The following KALRN variants were observed in gnomAD, a reference collection of about 807,000 sequenced individuals.
KALRN encodes kalirin RhoGEF kinase.
In KALRN, 70 loss-of-function variants were observed where a neutral mutation model predicts 353.7. That is an observed-to-expected ratio of 0.20 (90% confidence interval 0.16 to 0.24). KALRN has a LOEUF of 0.24. KALRN is among the 10% of genes least tolerant of loss of function. The pLI, the probability that KALRN is intolerant of heterozygous loss-of-function variation, is 1.00. For missense variants in KALRN, 2,791 were observed against 3,756.7 expected, an observed-to-expected ratio of 0.74 and a Z score of 6.72; for synonymous variants, 1,391 against 1,434.8, an observed-to-expected ratio of 0.97 and a Z score of 0.69.
At chr3:124,185,156 C>T (rs2074063592) in intron 1 of KALRN, among the ~76,000 whole-genome samples, 1 of 152,196 alleles carries the variant, frequency 6.6e-6, no homozygotes, top group African/African-American at 2.4e-5. Flanking sequence ...GCTGGGACTA[C>T]ATGTTCATGC....
At chr3:124,607,475 C>A (rs2077468288) in intron 34 of KALRN, among the ~76,000 whole-genome samples, 1 of 152,006 alleles carries the variant, frequency 6.6e-6, no homozygotes, top group Non-Finnish European at 1.5e-5. Context: ...AACTTTTTAC[C>A]CTATAATCTT....
chr3:124,452,381 A>G (rs1402269736), intron 21 of KALRN, among the ~76,000 whole-genome samples: 2 of 152,226 alleles, frequency 1.3e-5, no homozygotes, highest in Non-Finnish European at 2.9e-5. Flanking sequence ...GAGATATACA[A>G]ATGAATAAGA....
At chr3:124,250,482 C>T (rs1319865667) in intron 3 of KALRN, among the ~76,000 whole-genome samples, 3 of 152,202 alleles carry the variant, frequency 2.0e-5, no homozygotes, top group Non-Finnish European at 1.5e-5. Flanking sequence ...TGCCATTTCT[C>T]TTGAGTCCCC....
intron 34 of KALRN, among the ~76,000 whole-genome samples, chr3:124,589,747 A>T (rs2075584669): frequency 6.6e-6 from 1 of 152,212 alleles, no homozygotes. Context: ...CTCAGTAGCC[A>T]CAGGGGATTG....
At chr3:124,119,041 C>T (rs1389968317) in intron 1 of KALRN, among the ~76,000 whole-genome samples, 1 of 152,216 alleles carries the variant, frequency 6.6e-6, no homozygotes, top group African/African-American at 2.4e-5. Flanking sequence ...TCTCAACCCC[C>T]ACCTTGTTTT....
At chr3:124,615,103 T>A (rs961015177) in intron 34 of KALRN, among the ~76,000 whole-genome samples, 3 of 152,224 alleles carry the variant, frequency 2.0e-5, no homozygotes, top group African/African-American at 2.4e-5. Flanking sequence ...CAGTTTTACC[T>A]GGTGGATTAG....
intron 7 of KALRN, 117 bp from the exon 8 acceptor site, chr3:124,329,744 T>C: frequency 8.2e-7 from 1 of 1,224,010 alleles, no homozygotes; most frequent in Non-Finnish European, 1.1e-6. Context: ...CAGTGGTCTC[T>C]GAAGGCTTTC....
chr3:124,516,181 G>A (rs2066524257), intron 33 of KALRN, among the ~76,000 whole-genome samples: 1 of 152,216 alleles, frequency 6.6e-6, no homozygotes, highest in African/African-American at 2.4e-5. Context: ...TGCTTTCCAA[G>A]ATTTTTAGAA....
chr3:124,354,621 A>G (rs1000380872), intron 10 of KALRN, among the ~76,000 whole-genome samples: 4 of 152,236 alleles, frequency 2.6e-5, no homozygotes, highest in African/African-American at 9.6e-5. Flanking sequence ...AAATACCAAG[A>G]ATACAGGTTG....
At chr3:124,410,603 C>T (rs111337066) in intron 13 of KALRN, among the ~76,000 whole-genome samples, 8 of 152,160 alleles carry the variant, frequency 5.3e-5, no homozygotes, top group African/African-American at 1.7e-4. Flanking sequence ...TTCTCACCAT[C>T]GTGAGTCATC....
intron 37 of KALRN, among the ~76,000 whole-genome samples, chr3:124,638,521 A>G (rs1191037876): frequency 6.6e-6 from 1 of 152,062 alleles, no homozygotes; most frequent in African/African-American, 2.4e-5. Flanking sequence ...ACACCAACCT[A>G]TATACCCTCT....
intron 1 of KALRN, chr3:124,152,517 C>G: frequency 1.3e-6 from 1 of 754,720 alleles, no homozygotes; most frequent in East Asian, 2.5e-5. Context: ...GCCTATATTC[C>G]TTGTTACAGT....
At chr3:124,344,662 G>A (rs972290909) in intron 9 of KALRN, among the ~76,000 whole-genome samples, 37 of 151,990 alleles carry the variant, frequency 2.4e-4, no homozygotes, top group African/African-American at 7.7e-4. Flanking sequence ...CTGAACTTTC[G>A]TCGAAATTGC....
chr3:124,259,818 G>T (rs186054629), intron 3 of KALRN, among the ~76,000 whole-genome samples: 179 of 152,320 alleles, frequency 1.2e-3, no homozygotes, highest in African/African-American at 4.1e-3. Context: ...AAGAGAAGGG[G>T]TATAAAGAGT....
intron 15 of KALRN, among the ~76,000 whole-genome samples, chr3:124,423,594 G>A (rs948183331): frequency 6.6e-5 from 10 of 152,238 alleles, no homozygotes; most frequent in African/African-American, 2.2e-4. Context: ...AAATAGTACA[G>A]GCCAGGCATG....
intron 36 of KALRN, among the ~76,000 whole-genome samples, chr3:124,636,869 C>T (rs1194195073): frequency 2.6e-5 from 4 of 152,200 alleles, no homozygotes; most frequent in Non-Finnish European, 4.4e-5. Context: ...GCCCACAGAG[C>T]AGTAGCCCCC....
At chr3:124,060,605 G>T (rs566538837) in intron 1 of KALRN, among the ~76,000 whole-genome samples, 2 of 152,332 alleles carry the variant, frequency 1.3e-5, no homozygotes, top group Admixed American at 1.3e-4. Context: ...CAGGAGCAGA[G>T]AAATTGTTCC....
intron 1 of KALRN, among the ~76,000 whole-genome samples, chr3:124,095,241 A>G (rs1364796104): frequency 6.6e-6 from 1 of 152,170 alleles, no homozygotes; most frequent in Non-Finnish European, 1.5e-5. Context: ...GAACTCTCTG[A>G]GAAGCAGTGC....
At chr3:124,655,992 A>G (rs1166775534) in intron 39 of KALRN, among the ~76,000 whole-genome samples, 1 of 152,214 alleles carries the variant, frequency 6.6e-6, no homozygotes, top group Non-Finnish European at 1.5e-5. Context: ...CTATGTGGAC[A>G]TATATTCTTC....
Sources: allele counts gnomAD v4.1 joint callset (sites outside exome capture counted in the v4.1 genomes callset), GRCh38; gene constraint gnomAD v4.1.1; transcripts MANE v1.5; gene names NCBI Gene and HGNC (gene_info 2026-07-23, HGNC 2026-07-21).